USP9Y: variants seen among roughly 807,000 people sequenced by gnomAD.
The protein encoded by USP9Y is ubiquitin carboxyl-terminal hydrolase 9Y.
In USP9Y, 41 loss-of-function variants were observed where a neutral mutation model predicts 53.1. The observed-to-expected ratio is 0.77, with a 90% CI of 0.60 to 1.00. The LOEUF is 1.00. Among genes scored for constraint, USP9Y ranks in the 50% least tolerant of loss-of-function variants. The pLI, the probability that USP9Y is intolerant of heterozygous loss-of-function variation, is 0.00. For missense variants in USP9Y, 567 were observed against 535.8 expected (o/e 1.06, Z -0.58); for synonymous variants, 220 against 173.7 (o/e 1.27, Z -2.09).
At chrY:12,856,970 C>G in intron 44 of USP9Y, 125 bp downstream of exon 44, 1 of 171,390 alleles carries the variant, frequency 5.8e-6, no homozygotes, top group Admixed American at 1.2e-4. Flanking sequence ...GTTTTGTTTG[C>G]TTTAGTGGTT....
In USP9Y at chrY:12,859,366, A is replaced by G; in HGVS notation, c.7618A>G (p.Asn2540Asp). The change falls in exon 46 of 46, where the codon AAT becomes GAT. Residue 2540 changes from asparagine (N) to aspartate (D), a missense_variant. By Grantham distance (23) the Asn-to-Asp change is conservative. Coordinates refer to ENST00000338981, the MANE Select transcript of USP9Y (RefSeq NM_004654.4). Reference protein sequence around the residue: ...PQKTGQRTQENYEGNEEVSSP... With the variant: ...PQKTGQRTQEDYEGNEEVSSP... ...GAAAACAGGCCAACGAACACAAGAAAATTATGAAGGCAATGAAGAAGTATC... is the reference window on the plus strand; with the variant it reads ...GAAAACAGGCCAACGAACACAAGAAGATTATGAAGGCAATGAAGAAGTATC... 1 of 398,334 alleles carries G rather than the reference A, an allele frequency of 2.5e-6. No homozygotes were observed. The highest frequency in any genetic ancestry group is 3.5e-6 in the Non-Finnish European group (1 of 283,349).
chrY:12,791,504 A>T lies in USP9Y; in HGVS notation c.3693A>T (p.Ser1231=). Residue 1231 remains serine, a synonymous_variant, in exon 26 of 46, where the codon TCA becomes TCT. Coordinates refer to ENST00000338981, the MANE Select transcript of USP9Y (RefSeq NM_004654.4). ...TATTTATTTCTTTTCTGCAGGCTTCAAGATATATGCCTGATATTTGTGTAA... is the reference window on the plus strand; with the variant it reads ...TATTTATTTCTTTTCTGCAGGCTTCTAGATATATGCCTGATATTTGTGTAA... ...LLAQEISNEA[S]RYMPDICVIR... The T allele has an allele frequency of 2.5e-6, 1 of 395,240 alleles. No homozygotes were observed. Among genetic ancestry groups the T allele is most frequent in the Non-Finnish European group, 3.6e-6 (1 of 280,842 alleles).
chrY:12,791,721 G>T, intron 26 of USP9Y, 97 bp downstream of exon 26: 1 of 189,505 alleles, frequency 5.3e-6, no homozygotes. Flanking sequence ...AGACCAAGTC[G>T]CTTGTATCTA....
chrY:12,726,661 C>G lies in USP9Y; in HGVS notation c.525C>G (p.Leu175=). 2.5e-6 allele frequency: 1 copy of G among 398,033 alleles called. No individual in the cohort carries two copies. Among genetic ancestry groups the G allele is most frequent in the Non-Finnish European group, 3.5e-6 (1 of 283,068 alleles). Residue 175 remains leucine, a synonymous_variant, in exon 7 of 46, where the codon CTC becomes CTG. Coordinates refer to ENST00000338981, the MANE Select transcript of USP9Y (RefSeq NM_004654.4). ...ATTGGTTTCCACTTCTAGAACTTCT[C>G]GCCATGGCCTTAAATCCTCACTGCA... ...SQDWFPLLEL[L]AMALNPHCKF...
At chrY:12,858,885 T>C in intron 45 of USP9Y, among the ~76,000 whole-genome samples, 1 of 32,767 alleles carries the variant, frequency 3.1e-5, no homozygotes, top group Non-Finnish European at 7.5e-5. Flanking sequence ...AGCTAAGTTT[T>C]TCATTTTTAG....
chrY:12,791,468 G>A (rs1476725361), intron 25 of USP9Y, 31 bp from the exon 26 acceptor site: 21 of 385,587 alleles, frequency 5.4e-5, no homozygotes, highest in Non-Finnish European at 7.7e-5. Context: ...TGTTCTGCCA[G>A]CACTTTTAAT....
chrY:12,757,222 C>T lies in USP9Y; in HGVS notation c.1453C>T (p.Arg485Cys). ...ASWTNASKKQ[R>C]EKLLELIRRL... is the part of the protein sequence containing the mutation. Reference sequence around the variant, plus strand: ...TTGGACAAATGCAAGTAAAAAGCAACGTGAAAAGCTCCTTGAGTTGATACG... The same window carrying T: ...TTGGACAAATGCAAGTAAAAAGCAATGTGAAAAGCTCCTTGAGTTGATACG... The change falls in exon 13 of 46, where the codon CGT (arginine) becomes TGT (cysteine). Residue 485 changes from arginine to cysteine, a missense_variant. Transcript: ENST00000338981. The T allele has an allele frequency of 5.0e-6, 2 of 398,688 alleles. No individual in the cohort carries two copies. Among genetic ancestry groups the T allele is most frequent in the Non-Finnish European group, 7.1e-6 (2 of 283,507 alleles).
Position 12,775,533 on chromosome Y carries a change from C to T in USP9Y, c.2394C>T (p.Tyr798=). The T allele has an allele frequency of 5.1e-6, 2 of 393,775 alleles. No individual in the cohort carries two copies. The highest frequency in any genetic ancestry group is 3.0e-5 in the South Asian group (1 of 32,954). Residue 798 remains tyrosine (Y), a synonymous_variant, in exon 18 of 46, where the codon TAC becomes TAT. Coordinates refer to ENST00000338981, the MANE Select transcript of USP9Y (RefSeq NM_004654.4). ...CTATAGATCTTCTTAAAGAGATATA[C>T]ACAAACCTTGGCCCAAGATTAAAAG... ...NRAIDLLKEI[Y]TNLGPRLKAN... is the part of the protein sequence containing the mutation.
chrY:12,820,093 G>C (rs2053539717), intron 33 of USP9Y, among the ~76,000 whole-genome samples: 4 of 32,705 alleles, frequency 1.2e-4, no homozygotes, highest in Non-Finnish European at 3.0e-4. Context: ...CTCAGCAACA[G>C]AGGGAGACCC....
chrY:12,846,783 T>C, intron 40 of USP9Y, 150 bp from the exon 41 acceptor site: 2 of 173,819 alleles, frequency 1.2e-5, no homozygotes, highest in Non-Finnish European at 2.0e-5. Flanking sequence ...ATTTATATTT[T>C]GCATTTTATC....
At chrY:12,762,926 A>T in intron 15 of USP9Y, among the ~76,000 whole-genome samples, 1 of 33,266 alleles carries the variant, frequency 3.0e-5, no homozygotes, top group Non-Finnish European at 7.4e-5. Context: ...GTTTGTTCTT[A>T]AATATAGGGA....
intron 35 of USP9Y, among the ~76,000 whole-genome samples, chrY:12,838,868 T>G: frequency 3.0e-5 from 1 of 33,565 alleles, no homozygotes; most frequent in African/African-American, 1.2e-4. Context: ...TTTAAGATAT[T>G]ATATATTAAA....
chrY:12,831,087 T>C (rs757601714), intron 33 of USP9Y, among the ~76,000 whole-genome samples: 1 of 33,626 alleles, frequency 3.0e-5, no homozygotes, highest in South Asian at 6.7e-4. Flanking sequence ...ATGATTAAGT[T>C]TCCTAAGGCC....
Position 12,791,583 on chromosome Y carries a change from G to C in USP9Y, c.3772G>C (p.Val1258Leu). The part of the protein sequence containing the change: ...WASACGALGL[V>L]FSPNEEITKI... ...ATCAGCATGTGGGGCATTAGGACTA[G>C]TTTTTAGCCCAAATGAAGAAATAAC... Residue 1258 changes from valine (V) to leucine (L), a missense_variant, in exon 26 of 46, where the codon GTT becomes CTT. Val to Leu is a conservative substitution (Grantham distance 32, BLOSUM62 1). Coordinates refer to ENST00000338981, the MANE Select transcript of USP9Y (RefSeq NM_004654.4). 1.3e-5 allele frequency: 5 copies of C among 392,357 alleles called. No individual in the cohort carries two copies. Among genetic ancestry groups the C allele is most frequent in the Non-Finnish European group, 1.8e-5 (5 of 278,977 alleles).
At chrY:12,836,336 C>T in intron 34 of USP9Y, among the ~76,000 whole-genome samples, 1 of 33,345 alleles carries the variant, frequency 3.0e-5, no homozygotes, top group Non-Finnish European at 7.4e-5. Context: ...ACTGTTTAAA[C>T]AGATAATATG....
At chrY:12,852,987 C>T in intron 42 of USP9Y, among the ~76,000 whole-genome samples, 1 of 33,472 alleles carries the variant, frequency 3.0e-5, no homozygotes, top group East Asian at 8.0e-4. Flanking sequence ...GGCTACCTGG[C>T]GGTCAGGGAC....
chrY:12,757,449 A>T (rs1369512074), intron 13 of USP9Y, 51 bp downstream of exon 13: 1 of 317,758 alleles, frequency 3.1e-6, no homozygotes, highest in South Asian at 3.2e-5. Flanking sequence ...CACAAGTAGG[A>T]TAACTTAGTT....
rs1247747234 is a variant in USP9Y at position 12,810,209 on chromosome Y, C to T, written c.4014C>T (p.Phe1338=). Residue 1338 remains phenylalanine (F), a synonymous_variant, in exon 28 of 46, where the codon TTC becomes TTT. Coordinates refer to ENST00000338981, the MANE Select transcript of USP9Y (RefSeq NM_004654.4). The part of the protein sequence containing the change: ...KTVRQLAQEQ[F]FLMCTRCCMG... ...TTCGTCAGTTGGCACAGGAGCAGTT[C>T]TTTTTAATGTGCACCAGATGTTGCA... The T allele has an allele frequency of 5.0e-6, 2 of 398,619 alleles. No homozygotes were observed. The highest frequency in any genetic ancestry group is 5.9e-5 in the South Asian group (2 of 33,797).
chrY:12,778,147 G>A lies in USP9Y; in HGVS notation c.2768G>A (p.Arg923His). 4 of 397,762 alleles carry A rather than the reference G, an allele frequency of 1.0e-5. No homozygotes were observed. Among genetic ancestry groups the A allele is most frequent in the South Asian group, 3.0e-5 (1 of 33,734 alleles). Residue 923 changes from arginine to histidine, a missense_variant, in exon 20 of 46, where the codon CGT (arginine) becomes CAT (histidine). Physicochemically the swap from Arg to His is conservative, Grantham distance 29. Coordinates refer to ENST00000338981, the MANE Select transcript of USP9Y (RefSeq NM_004654.4). ...IGSVRRCIVN[R>H]IKANVAHKKI... ...TCAGTACGGCGATGTATTGTTAATC[G>A]TATTAAAGCCAATGTAGCCCACAAA...
Sources: gnomAD v4.1 joint callset for allele counts (sites outside exome capture counted in the v4.1 genomes callset) on GRCh38, gnomAD v4.1.1 for gene constraint, MANE v1.5 for transcripts, NCBI Gene and HGNC (gene_info 2026-07-23, HGNC 2026-07-21) for gene names.